Variants in GLCCI1 observed in about 807,000 individuals in gnomAD.
GLCCI1 encodes the protein glucocorticoid-induced transcript 1 protein.
GLCCI1 carries 24 observed loss-of-function variants against 52.2 expected under a neutral mutation model. The observed-to-expected ratio is 0.46, with a 90% confidence interval of 0.33 to 0.65. The LOEUF (loss-of-function observed/expected upper bound fraction) is 0.65, where lower values mean the gene tolerates loss of function less well. Ranked by LOEUF, GLCCI1 falls within the 30% of genes least tolerant of loss-of-function variation. GLCCI1 has a pLI of 0.02. For synonymous variants in GLCCI1, 310 were observed against 276.5 expected (o/e 1.12, Z -1.20); for missense variants, 704 against 701.5 (o/e 1.00, Z -0.04).
chr7:8,084,685 T>C (rs1226016695), intron 6 of GLCCI1: 5 of 448,246 alleles, frequency 1.1e-5, no homozygotes, highest in African/African-American at 1.0e-4. Context: ...ATGTCCTTTT[T>C]ATGTTCTATG....
rs1012516772 is a variant in GLCCI1 at position 8,055,362 on chromosome 7, T to G, written c.697-71T>G. The G allele has an allele frequency of 4.5e-6, 4 of 886,328 alleles. No homozygotes were observed. The African/African-American group carries it at 6.8e-5, about 15-fold the overall frequency. The allele number at this position is 886,328 out of a possible 1,614,324, so 54.9% of individuals were successfully genotyped here. A position where few individuals can be genotyped will look rare whatever the true frequency, so the allele number is the denominator to read the frequency against. ...AATGTTTTAATCAGTACCCCAAAAC[T>G]GAAGAAATAAATATAAAAATTTGGT... On this transcript the variant is annotated intron_variant, in intron 3 of 7. Coordinates refer to ENST00000223145, the MANE Select transcript of GLCCI1 (RefSeq NM_138426.4).
chr7:7,977,081 G>T (rs559532974), intron 1 of GLCCI1, among the ~76,000 whole-genome samples: 2 of 152,138 alleles, frequency 1.3e-5, no homozygotes, highest in East Asian at 3.9e-4. Context: ...TAGCCATAAA[G>T]AAAACTTTTG....
intron 2 of GLCCI1, 101 bp downstream of exon 2, chr7:8,004,160 T>C (rs901202103): frequency 1.8e-6 from 2 of 1,081,414 alleles, no homozygotes; most frequent in East Asian, 4.8e-5. Flanking sequence ...AAATTTGAAA[T>C]ACATCCAACC....
intron 1 of GLCCI1, among the ~76,000 whole-genome samples, chr7:7,975,721 T>A (rs1264575985): frequency 2.0e-5 from 3 of 152,188 alleles, no homozygotes; most frequent in Admixed American, 2.0e-4. Context: ...ATAGATGGAT[T>A]GGCCATTTTT....
At chr7:8,055,613 C>A in intron 4 of GLCCI1, 64 bp downstream of exon 4, 1 of 916,392 alleles carries the variant, frequency 1.1e-6, no homozygotes, top group South Asian at 1.4e-5. Flanking sequence ...GGGAATTCAT[C>A]ATTTCAGCAT....
At chr7:8,085,248 A>C (rs1397297709) in intron 7 of GLCCI1, among the ~76,000 whole-genome samples, 1 of 152,236 alleles carries the variant, frequency 6.6e-6, no homozygotes, top group Non-Finnish European at 1.5e-5. Context: ...TATTCTTACT[A>C]CCTGAAAAAT....
At chr7:8,057,926 T>C (rs1782434707) in intron 4 of GLCCI1, among the ~76,000 whole-genome samples, 1 of 152,196 alleles carries the variant, frequency 6.6e-6, no homozygotes, top group South Asian at 2.1e-4. Context: ...GTAGGTGGAA[T>C]ATGAAGTCTA....
chr7:7,997,966 TA>T (rs1780969092), intron 1 of GLCCI1, among the ~76,000 whole-genome samples: 1 of 135,644 alleles, frequency 7.4e-6, no homozygotes, highest in Non-Finnish European at 1.6e-5. Flanking sequence ...AATAAATAAA[TA>T]AATAAATAAA....
At chr7:8,085,434 T>C (rs1231090466) in intron 7 of GLCCI1, among the ~76,000 whole-genome samples, 2 of 152,244 alleles carry the variant, frequency 1.3e-5, no homozygotes, top group Non-Finnish European at 2.9e-5. Flanking sequence ...ATTCAGACTT[T>C]CTGTTCACAA....
intron 3 of GLCCI1, among the ~76,000 whole-genome samples, chr7:8,028,670 TAA>T (rs1781680651): frequency 6.6e-6 from 1 of 151,652 alleles, no homozygotes; most frequent in Non-Finnish European, 1.5e-5. Flanking sequence ...TGACTGAAAT[TAA>T]AAGTTAGTTT....
At chr7:8,050,397 A>G (rs1782230523) in intron 3 of GLCCI1, among the ~76,000 whole-genome samples, 1 of 152,102 alleles carries the variant, frequency 6.6e-6, no homozygotes, top group South Asian at 2.1e-4. Context: ...GAAGTTTGAG[A>G]TTTTTGTTGA....
At chr7:8,015,146 A>G (rs988891885) in intron 2 of GLCCI1, among the ~76,000 whole-genome samples, 6 of 152,262 alleles carry the variant, frequency 3.9e-5, no homozygotes, top group Non-Finnish European at 7.3e-5. Context: ...AAACATATAT[A>G]TTCTTTTCTG....
chr7:8,071,166 A>G (rs1782752790), intron 6 of GLCCI1, 35 bp downstream of exon 6: 1 of 1,540,390 alleles, frequency 6.5e-7, no homozygotes, highest in Non-Finnish European at 9.0e-7. Flanking sequence ...AGGGTTTGTT[A>G]TGGGCCTTGC....
chr7:7,992,080 T>TTTCC (rs1780850322), intron 1 of GLCCI1, among the ~76,000 whole-genome samples: 1 of 143,704 alleles, frequency 7.0e-6, no homozygotes, highest in South Asian at 2.2e-4. Flanking sequence ...TCTTTCTTTC[T>TTTCC]TTCTTTCTTT....
chr7:7,976,478 T>TAAAAAAAAAAAA (rs1780471203), intron 1 of GLCCI1, among the ~76,000 whole-genome samples: 1 of 4,820 alleles, frequency 2.1e-4, no homozygotes, highest in Non-Finnish European at 3.4e-4. Context: ...AAACTCCATC[T>TAAAAAAAAAAAA]CAAAAAAAAA....
At chr7:8,026,213 CATT>C (rs1173369224) in intron 3 of GLCCI1, among the ~76,000 whole-genome samples, 1 of 151,904 alleles carries the variant, frequency 6.6e-6, no homozygotes, top group African/African-American at 2.4e-5. Context: ...AATTAAGACA[CATT>C]ATAATCCCTA....
intron 3 of GLCCI1, among the ~76,000 whole-genome samples, chr7:8,051,576 C>CTACT (rs1356662385): frequency 2.0e-5 from 3 of 152,174 alleles, no homozygotes; most frequent in African/African-American, 7.2e-5. Flanking sequence ...GTGGTGAAGG[C>CTACT]TACTATGTTA....
At chr7:7,976,354 C>CT (rs1292445359) in intron 1 of GLCCI1, among the ~76,000 whole-genome samples, 16 of 151,460 alleles carry the variant, frequency 1.1e-4, no homozygotes, top group Non-Finnish European at 2.2e-4. Flanking sequence ...TGGTACACCT[C>CT]TATAATCCCA....
At chr7:7,993,846 T>C (rs1315228793) in intron 1 of GLCCI1, among the ~76,000 whole-genome samples, 1 of 151,930 alleles carries the variant, frequency 6.6e-6, no homozygotes, top group Non-Finnish European at 1.5e-5. Context: ...AGTAAACCCA[T>C]TGTAAAGTCA....
Sources: allele counts gnomAD v4.1 joint callset (sites outside exome capture counted in the v4.1 genomes callset), GRCh38; gene constraint gnomAD v4.1.1; transcripts MANE v1.5; gene names NCBI Gene and HGNC (gene_info 2026-07-23, HGNC 2026-07-21).